The following ATG9A variants were observed in gnomAD, a reference collection of about 807,000 sequenced individuals.
ATG9A encodes the protein autophagy-related protein 9A.
ATG9A carries 21 observed loss-of-function variants against 87.1 expected under a neutral mutation model. That is an observed-to-expected ratio of 0.24 (90% CI 0.17 to 0.35). ATG9A has a LOEUF of 0.35. Ranked by LOEUF, ATG9A falls within the 10% of genes least tolerant of loss-of-function variation. The probability of loss-of-function intolerance (pLI) is 1.00; values close to 1 mark genes in which losing one functional copy is unlikely to be tolerated. For synonymous variants in ATG9A, 422 were observed against 441.3 expected, an observed-to-expected ratio of 0.96 and a Z score of 0.55; for missense variants, 836 against 1,107.3, an observed-to-expected ratio of 0.76 and a Z score of 3.48.
Position 219,224,718 on chromosome 2 carries a change from T to G in ATG9A, c.653A>C (p.Tyr218Ser). Reference protein sequence around the residue: ...IYHRILRFQNYMVALVNKSLL... With the variant: ...IYHRILRFQNSMVALVNKSLL... ...GGATTTGTTAACCAGTGCCACCATG[T>G]AGTTCTGGAAACGGAGGATGCGGTG... is the stretch of plus-strand genomic sequence containing the variant. The change falls in exon 8 of 16, where the codon TAC (tyrosine) becomes TCC (serine). Residue 218 changes from tyrosine (Y) to serine (S), a missense_variant. This residue lies in a region of ATG9A where 512 missense variants were observed against 759.6 expected (regional missense o/e 0.67). Coordinates refer to ENST00000361242, the MANE Select transcript of ATG9A (RefSeq NM_001077198.3). This position sits in a 1 kb window ranked among gnomAD's most constrained non-coding sequence, Gnocchi z 7.7. 1 of 1,614,226 alleles carries G rather than the reference T, an allele frequency of 6.2e-7. No individual in the cohort carries two copies. The highest frequency in any genetic ancestry group is 8.5e-7 in the Non-Finnish European group (1 of 1,180,044).
chr2:219,221,199 G>A lies in ATG9A; in HGVS notation c.2249C>T (p.Ala750Val). 1.3e-6 allele frequency: 2 copies of A among 1,593,496 alleles called. No homozygotes were observed. Among genetic ancestry groups the A allele is most frequent in the Non-Finnish European group, 1.7e-6 (2 of 1,170,290 alleles). ...GCGAGGGATAGACTGGGGGGCCCGG[G>A]CGCCCTCTCCCCCTTCATCAGGGGC... ...ESAPDEGGEG[A>V]RAPQSIPRSA... Residue 750 changes from alanine to valine, a missense_variant, in exon 14 of 16, where the codon GCC (alanine) becomes GTC (valine). Ala to Val is a moderately conservative substitution (Grantham distance 64, BLOSUM62 0). Transcript: ENST00000361242.
intron 14 of ATG9A, 62 bp from the exon 15 acceptor site, chr2:219,220,954 T>TG (rs1950744801): frequency 6.5e-7 from 1 of 1,545,776 alleles, no homozygotes; most frequent in Non-Finnish European, 8.9e-7. Context: ...GGAACAGGGC[T>TG]GGGGGGCTGC....
In ATG9A at chr2:219,224,069, G is replaced by T; in HGVS notation, c.1265+37C>A. Reference sequence around the variant, plus strand: ...TGAGATGTATGCCTTTCCCAGGAATGCTAGCCGGCTTGCTCCCGCCTGTGG... The same window carrying T: ...TGAGATGTATGCCTTTCCCAGGAATTCTAGCCGGCTTGCTCCCGCCTGTGG... On this transcript the variant is annotated intron_variant, in intron 8 of 15. Transcript: ENST00000361242. The surrounding 1 kb of genome is among the most constrained non-coding windows in gnomAD (Gnocchi z 7.7). 6.2e-7 allele frequency: 1 copy of T among 1,606,788 alleles called. No individual in the cohort carries two copies. Among genetic ancestry groups the T allele is most frequent in the East Asian group, 2.2e-5 (1 of 44,794 alleles).
intron 4 of ATG9A, among the ~76,000 whole-genome samples, 173 bp downstream of exon 4, chr2:219,227,597 A>C (rs1014377827): frequency 6.6e-6 from 1 of 152,174 alleles, no homozygotes; most frequent in African/African-American, 2.4e-5. Flanking sequence ...GATCTTGGTA[A>C]ATGTGGGCTA....
In ATG9A at chr2:219,228,019, C is replaced by A. The variant is rs751128242; in HGVS notation, c.6G>T (p.Ala2=). ...GGCGCTGGTATTCAGTGTCAAACTG[C>A]GCCATCACCACCGCCCCCTGTCCAC... M[A]QFDTEYQRLE... is the part of the protein sequence containing the mutation. The change falls in exon 3 of 16, where the codon GCG becomes GCT. Residue 2 remains alanine (A), a synonymous_variant. Coordinates refer to ENST00000361242, the MANE Select transcript of ATG9A (RefSeq NM_001077198.3). The A allele has an allele frequency of 1.2e-6, 2 of 1,613,090 alleles. No individual in the cohort carries two copies. The highest frequency in any genetic ancestry group is 1.7e-6 in the Non-Finnish European group (2 of 1,179,364).
chr2:219,223,026 G>C lies in ATG9A; in HGVS notation c.1600-133C>G. The C allele has an allele frequency of 8.2e-7, 1 of 1,214,860 alleles. No individual in the cohort carries two copies. The highest frequency in any genetic ancestry group is 1.1e-6 in the Non-Finnish European group (1 of 877,056). 75.3% of individuals were successfully genotyped at this position (1,214,860 alleles called of 1,614,324 possible). A position where few individuals can be genotyped will look rare whatever the true frequency, so the allele number is the denominator to read the frequency against. On this transcript the variant is annotated intron_variant, in intron 10 of 15. Transcript: ENST00000361242. The surrounding 1 kb of genome is among the most constrained non-coding windows in gnomAD (Gnocchi z 4.7). ...TACTGTCAATCTTTCCCAGGGCACT[G>C]GTGCCCCCCCAGACCCAGGAGGGGC...
rs773692020 is a variant in ATG9A at position 219,226,941 on chromosome 2, T to C, written c.148-8A>G. ...CTGGTGCAGATTATAAACGTGTAAT[T>C]GTTAAGAAAAAGTAGTCAGTAAAGA... On this transcript the variant is annotated splice_polypyrimidine_tract_variant and splice_region_variant and intron_variant, in intron 4 of 15. Coordinates refer to ENST00000361242, the MANE Select transcript of ATG9A (RefSeq NM_001077198.3). The C allele has an allele frequency of 2.5e-6, 4 of 1,611,934 alleles. No homozygotes were observed. The highest frequency in any genetic ancestry group is 1.7e-5 in the Admixed American group (1 of 60,008).
At chr2:219,228,229 C>G in intron 2 of ATG9A, 176 bp from the exon 3 acceptor site, 1 of 565,152 alleles carries the variant, frequency 1.8e-6, no homozygotes, top group South Asian at 2.3e-5. Flanking sequence ...GCTGGGGGAG[C>G]CTTAACTCTG....
rs1269442662 is a variant in ATG9A, at chr2:219,221,165, G to A, written c.2283C>T (p.Ser761=). The A allele has an allele frequency of 3.7e-6, 6 of 1,606,774 alleles. No individual in the cohort carries two copies. The African/African-American group carries it at 4.0e-5, about 11-fold the overall frequency. The change falls in exon 14 of 16, where the codon AGC becomes AGT. Residue 761 remains serine (S), a synonymous_variant. Coordinates refer to ENST00000361242, the MANE Select transcript of ATG9A (RefSeq NM_001077198.3). ...CAGGCCGGGGTGCTGCACAGGGATA[G>A]CTAGCAGAGCGAGGGATAGACTGGG... ...RAPQSIPRSA[S]YPCAAPRPGA... is the part of the protein sequence containing the mutation.
At chr2:219,220,618 G>A in intron 15 of ATG9A, 129 bp downstream of exon 15, 3 of 1,482,582 alleles carry the variant, frequency 2.0e-6, no homozygotes, top group Non-Finnish European at 2.8e-6. Context: ...AAGGGGTAGT[G>A]TGTTTTGGAA....
chr2:219,226,784 G>T, intron 5 of ATG9A, 85 bp downstream of exon 5: 1 of 1,265,420 alleles, frequency 7.9e-7, no homozygotes, highest in Non-Finnish European at 1.2e-6. Flanking sequence ...AGTTGTACTG[G>T]CAGGTTGGGC....
chr2:219,224,205 G>C lies in ATG9A; in HGVS notation c.1166C>G (p.Ala389Gly). The change falls in exon 8 of 16, where the codon GCT becomes GGT. Residue 389 changes from alanine to glycine, a missense_variant. By Grantham distance (60) the Ala-to-Gly change is moderately conservative. Coordinates refer to ENST00000361242, the MANE Select transcript of ATG9A (RefSeq NM_001077198.3). The surrounding 1 kb of genome is among the most constrained non-coding windows in gnomAD (Gnocchi z 7.7). ...NGAFFAGSIL[A>G]VLIALTIYDE... is the part of the protein sequence containing the mutation. ...ATAAATGGTGAGGGCAATAAGCACA[G>C]CCAGGATGGAGCCAGCGAAGAAGGC... The C allele has an allele frequency of 6.2e-7, 1 of 1,613,854 alleles. No homozygotes were observed. The highest frequency in any genetic ancestry group is 8.5e-7 in the Non-Finnish European group (1 of 1,180,046).
At chr2:219,221,914 A>T in intron 13 of ATG9A, 136 bp downstream of exon 13, 1 of 762,394 alleles carries the variant, frequency 1.3e-6, no homozygotes, top group Non-Finnish European at 2.1e-6. Flanking sequence ...GAGCAGGCTT[A>T]GCTAAAAAGG....
chr2:219,220,682 A>G, intron 15 of ATG9A, 65 bp downstream of exon 15: 8 of 1,583,140 alleles, frequency 5.1e-6, no homozygotes, highest in Non-Finnish European at 6.9e-6. Flanking sequence ...TTCCCCTGAA[A>G]AGCTGTTACC....
intron 2 of ATG9A, 140 bp from the exon 3 acceptor site, chr2:219,228,193 GAC>G: frequency 1.6e-6 from 1 of 611,460 alleles, no homozygotes; most frequent in Admixed American, 3.1e-5. Flanking sequence ...GAGGAGTAGT[GAC>G]ACAAGAAAGG....
In ATG9A at chr2:219,220,332, C is replaced by A; in HGVS notation, c.*115G>T. On this transcript the variant is annotated 3_prime_UTR_variant, in exon 16 of 16. Coordinates refer to ENST00000361242, the MANE Select transcript of ATG9A (RefSeq NM_001077198.3). ...CCTTGGCCAGGCACAGACACACAAA[C>A]ACCACACACGTGGGGCCAGGGAACA... 7.2e-7 allele frequency: 1 copy of A among 1,395,218 alleles called. No homozygotes were observed. The highest frequency in any genetic ancestry group is 1.2e-5 in the South Asian group (1 of 81,290). The allele number at this position is 1,395,218 out of a possible 1,614,324, so 86.4% of individuals were successfully genotyped here.
intron 14 of ATG9A, 60 bp from the exon 15 acceptor site, chr2:219,220,952 G>A: frequency 1.9e-6 from 3 of 1,605,838 alleles, no homozygotes; most frequent in East Asian, 4.5e-5. Context: ...GAGGAACAGG[G>A]CTGGGGGGCT....
intron 14 of ATG9A, 77 bp from the exon 15 acceptor site, chr2:219,220,969 G>A (rs892540551): frequency 3.8e-6 from 6 of 1,598,638 alleles, no homozygotes; most frequent in Admixed American, 1.7e-5. Flanking sequence ...GGCTGCTTGG[G>A]GGGTGAGTCT....
chr2:219,221,996 G>A, intron 13 of ATG9A, 54 bp downstream of exon 13: 2 of 1,515,544 alleles, frequency 1.3e-6, no homozygotes, highest in Non-Finnish European at 1.8e-6. Flanking sequence ...TGGAACCCCG[G>A]TCTTGCTTCT....
Sources: gnomAD v4.1 joint callset for allele counts (sites outside exome capture counted in the v4.1 genomes callset) on GRCh38, gnomAD v4.1.1 for gene constraint, gnomAD v4.1.1 regional missense constraint, Gnocchi (gnomAD v3.1) non-coding constraint, MANE v1.5 for transcripts, NCBI Gene and HGNC (gene_info 2026-07-23, HGNC 2026-07-21) for gene names.